Variants in VIPR1 observed in about 807,000 individuals in gnomAD.
VIPR1 encodes vasoactive intestinal peptide receptor 1, also known as vasoactive intestinal polypeptide receptor 1.
Under a neutral mutation model 58.8 loss-of-function variants are expected in VIPR1, and 59 were observed. The ratio of observed to expected loss-of-function variants is 1.00; its 90% CI spans 0.81 to 1.25. The LOEUF is 1.25. Ranked by LOEUF, VIPR1 falls within the 50% of genes most tolerant of loss-of-function variation. VIPR1 has a pLI of 0.00. For synonymous variants in VIPR1, 251 were observed against 242.1 expected, an observed-to-expected ratio of 1.04 and a Z score of -0.34; for missense variants, 626 against 602.7, an observed-to-expected ratio of 1.04 and a Z score of -0.40.
chr3:42,513,631 G>T (rs1002478462), intron 1 of VIPR1, 118 bp from the exon 2 acceptor site: 12 of 1,063,720 alleles, frequency 1.1e-5, no homozygotes, highest in African/African-American at 6.3e-5. Flanking sequence ...TTGGTATTGG[G>T]GTTCCATCTG....
At chr3:42,524,278 C>T (rs1701114817) in intron 3 of VIPR1, among the ~76,000 whole-genome samples, 1 of 152,204 alleles carries the variant, frequency 6.6e-6, no homozygotes, top group African/African-American at 2.4e-5. Flanking sequence ...GGCTCTGGGC[C>T]AGGCCCACCT....
At chr3:42,518,823 A>T (rs1190741658) in intron 2 of VIPR1, among the ~76,000 whole-genome samples, 2 of 152,250 alleles carry the variant, frequency 1.3e-5, no homozygotes, top group African/African-American at 2.4e-5. Flanking sequence ...ACCTATACAT[A>T]TGCCCAGTGG....
Position 42,536,341 on chromosome 3 carries a change from G to C in VIPR1, c.*60G>C. On this transcript the variant is annotated 3_prime_UTR_variant, in exon 13 of 13. Transcript: ENST00000325123. ...CCGCCCCTTCCCACTCACCCCGGCA[G>C]ACGCCGGGGACAGAGGCCTGCCCGG... 1 of 1,447,034 alleles carries C rather than the reference G, an allele frequency of 6.9e-7. No individual in the cohort carries two copies. The highest frequency in any genetic ancestry group is 9.0e-7 in the Non-Finnish European group (1 of 1,105,324). The allele number at this position is 1,447,034 out of a possible 1,614,324, so 89.6% of individuals were successfully genotyped here. A position where few individuals can be genotyped will look rare whatever the true frequency, so the allele number is the denominator to read the frequency against.
upstream of VIPR1, among the ~76,000 whole-genome samples, chr3:42,499,269 A>G (rs1489392696): frequency 2.0e-5 from 3 of 151,950 alleles, no homozygotes; most frequent in Non-Finnish European, 2.9e-5. Context: ...GAACCTCACC[A>G]CCATGGAGCC....
At position 42,502,786 on chromosome 3, in the gene VIPR1, C is replaced by T; in HGVS notation, c.51C>T (p.Gly17=). Residue 17 remains glycine, a synonymous_variant, in exon 1 of 13, where the codon GGC becomes GGT. Coordinates refer to ENST00000325123, the MANE Select transcript of VIPR1 (RefSeq NM_004624.4). The stretch of plus-strand genomic sequence containing the variant: ...CCCGCTGGCTATGCGTGCTGGCAGG[C>T]GCCCTCGCCTGGGCCCTTGGGCCGG... ...LPARWLCVLA[G]ALAWALGPAG... 1 of 1,284,994 alleles carries T rather than the reference C, an allele frequency of 7.8e-7. No homozygotes were observed. Among genetic ancestry groups the T allele is most frequent in the Non-Finnish European group, 9.8e-7 (1 of 1,017,634 alleles). 79.6% of individuals were successfully genotyped at this position (1,284,994 alleles called of 1,614,324 possible).
intron 1 of VIPR1, chr3:42,492,606 G>T (rs544251919): frequency 4.6e-5 from 7 of 152,480 alleles, no homozygotes; most frequent in African/African-American, 1.2e-4. Flanking sequence ...TTCTTCTCCC[G>T]GAAATGATTC....
intron 6 of VIPR1, chr3:42,529,627 G>C (rs1431405358): frequency 6.6e-6 from 1 of 152,218 alleles, no homozygotes; most frequent in African/African-American, 2.4e-5. Context: ...TGAGGATGTC[G>C]CAAACCAAGG....
At chr3:42,532,993 T>G (rs1448204101) in intron 10 of VIPR1, 1 of 152,682 alleles carries the variant, frequency 6.5e-6, no homozygotes, top group Admixed American at 6.5e-5. Context: ...GTGTCAGGAC[T>G]GTTCCCCCTG....
At chr3:42,505,420 G>T (rs1436632525) in intron 1 of VIPR1, among the ~76,000 whole-genome samples, 1 of 152,236 alleles carries the variant, frequency 6.6e-6, no homozygotes, top group Non-Finnish European at 1.5e-5. Flanking sequence ...TGAAGGCCTT[G>T]CCTTGCCACC....
At chr3:42,517,404 AAG>A (rs1700688305) in intron 2 of VIPR1, among the ~76,000 whole-genome samples, 1 of 152,302 alleles carries the variant, frequency 6.6e-6, no homozygotes, top group East Asian at 1.9e-4. Flanking sequence ...CAGGATTGCA[AAG>A]AGACAATTAA....
In VIPR1 at chr3:42,527,479, T is replaced by C. The variant is rs1241701189; in HGVS notation, c.486T>C (p.Ala162=). The change falls in exon 5 of 13, where the codon GCT becomes GCC. Residue 162 remains alanine, a synonymous_variant. Transcript: ENST00000325123. The part of the protein sequence containing the change: ...LSLATLLVAT[A]ILSLFRKLHC... ...TCGCCACCCTTCTGGTCGCCACAGC[T>C]ATCCTGAGCCTGTTCAGGTGAGGCC... 1 of 1,613,812 alleles carries C rather than the reference T, an allele frequency of 6.2e-7. No homozygotes were observed. The highest frequency in any genetic ancestry group is 8.5e-7 in the Non-Finnish European group (1 of 1,179,936).
At chr3:42,524,554 T>C (rs1330132015) in intron 3 of VIPR1, among the ~76,000 whole-genome samples, 1 of 152,146 alleles carries the variant, frequency 6.6e-6, no homozygotes, top group African/African-American at 2.4e-5. Context: ...CAGTTCTTCA[T>C]CCATGAAGTA....
At chr3:42,534,933 G>C (rs1330996589) in intron 10 of VIPR1, 42 bp from the exon 11 acceptor site, 1 of 1,610,366 alleles carries the variant, frequency 6.2e-7, no homozygotes, top group Non-Finnish European at 8.5e-7. Flanking sequence ...ATCCACATGT[G>C]TGGACACACA....
chr3:42,493,676 C>T (rs916856425), intron 1 of VIPR1, among the ~76,000 whole-genome samples: 1 of 152,192 alleles, frequency 6.6e-6, no homozygotes, highest in African/African-American at 2.4e-5. Context: ...GCAAAGGCCC[C>T]AGGTCAGAAC....
chr3:42,506,720 G>A (rs1373665526), intron 1 of VIPR1: 1 of 151,916 alleles, frequency 6.6e-6, no homozygotes, highest in Non-Finnish European at 1.5e-5. Context: ...TAGAGACAGG[G>A]TTTCGCCATG....
chr3:42,522,204 C>T (rs1203663712), intron 3 of VIPR1, among the ~76,000 whole-genome samples: 3 of 143,332 alleles, frequency 2.1e-5, no homozygotes, highest in South Asian at 2.3e-4. Flanking sequence ...CTCCGCCTTC[C>T]GGGTCCACAC....
chr3:42,497,219 G>A (rs575618340), intron 1 of VIPR1, among the ~76,000 whole-genome samples: 3 of 152,288 alleles, frequency 2.0e-5, no homozygotes, highest in South Asian at 2.1e-4. Flanking sequence ...CACTGCCTCA[G>A]AAATGAGCTC....
At chr3:42,525,688 TG>T (rs1231861220) in intron 3 of VIPR1, among the ~76,000 whole-genome samples, 198 bp from the exon 4 acceptor site, 2 of 152,180 alleles carry the variant, frequency 1.3e-5, no homozygotes, top group East Asian at 3.9e-4. Context: ...CTATCATCGG[TG>T]CGGGAGCCCT....
chr3:42,527,662 G>A, intron 5 of VIPR1, 166 bp downstream of exon 5: 1 of 697,688 alleles, frequency 1.4e-6, no homozygotes, highest in Non-Finnish European at 2.4e-6. Flanking sequence ...GAAGGCAGGT[G>A]GCTGAGCTCT....
Sources: gnomAD v4.1 joint callset for allele counts (sites outside exome capture counted in the v4.1 genomes callset) on GRCh38, gnomAD v4.1.1 for gene constraint, MANE v1.5 for transcripts, NCBI Gene and HGNC (gene_info 2026-07-23, HGNC 2026-07-21) for gene names.